RORB: variants seen among roughly 807,000 people sequenced by gnomAD.
RORB encodes the protein nuclear receptor ROR-beta.
A neutral mutation model predicts 59.1 loss-of-function variants in RORB; 6 were observed. The ratio of observed to expected loss-of-function variants is 0.10; its 90% CI spans 0.06 to 0.20. The LOEUF is 0.20. Ranked by LOEUF, RORB falls within the 10% of genes least tolerant of loss-of-function variation. The pLI, the probability that RORB is intolerant of heterozygous loss-of-function variation, is 1.00. For missense variants in RORB, 320 were observed against 560.5 expected, an observed-to-expected ratio of 0.57 and a Z score of 4.33; for synonymous variants, 215 against 204.5, an observed-to-expected ratio of 1.05 and a Z score of -0.44.
At chr9:74,589,869 A>C (rs1465449503) in intron 1 of RORB, among the ~76,000 whole-genome samples, 2 of 152,186 alleles carry the variant, frequency 1.3e-5, no homozygotes, top group Admixed American at 6.5e-5. Context: ...ACTCTTTGCC[A>C]CAATTTGCAC....
At chr9:74,498,005 G>C in intron 1 of RORB, 22 bp downstream of exon 1, 1 of 1,607,314 alleles carries the variant, frequency 6.2e-7, no homozygotes, top group Non-Finnish European at 8.5e-7. Flanking sequence ...TGCGGGCACC[G>C]AGGCTCCCCG....
chr9:74,638,167 ATT>A (rs1411834030), intron 3 of RORB, among the ~76,000 whole-genome samples: 1 of 152,202 alleles, frequency 6.6e-6, no homozygotes, highest in African/African-American at 2.4e-5. Flanking sequence ...AGATAAAATG[ATT>A]TTGGAAATTT....
intron 1 of RORB, among the ~76,000 whole-genome samples, chr9:74,599,401 G>A (rs1823021123): frequency 6.6e-6 from 1 of 151,904 alleles, no homozygotes; most frequent in South Asian, 2.1e-4. Flanking sequence ...CAATCAGAAT[G>A]AGTAATATAG....
intron 1 of RORB, among the ~76,000 whole-genome samples, chr9:74,557,290 A>C (rs910842718): frequency 6.6e-5 from 10 of 152,162 alleles, no homozygotes; most frequent in African/African-American, 2.4e-4. Context: ...TATACTTGAG[A>C]CAGAGCTACT....
At chr9:74,640,219 T>C (rs745317075) in intron 3 of RORB, among the ~76,000 whole-genome samples, 1 of 152,134 alleles carries the variant, frequency 6.6e-6, no homozygotes, top group Non-Finnish European at 1.5e-5. Flanking sequence ...ATGTAGGGGT[T>C]GGTTGCTTGG....
At chr9:74,557,348 T>G (rs1049020696) in intron 1 of RORB, among the ~76,000 whole-genome samples, 1 of 152,184 alleles carries the variant, frequency 6.6e-6, no homozygotes, top group Non-Finnish European at 1.5e-5. Flanking sequence ...CCCCAGTTGC[T>G]GCTGGCAAAC....
At chr9:74,522,100 A>G (rs1186166791) in intron 1 of RORB, among the ~76,000 whole-genome samples, 1 of 151,814 alleles carries the variant, frequency 6.6e-6, no homozygotes, top group Non-Finnish European at 1.5e-5. Context: ...CAGAAGATGG[A>G]TGGATTGATA....
At chr9:74,544,766 C>T (rs1826462937) in intron 1 of RORB, among the ~76,000 whole-genome samples, 1 of 152,186 alleles carries the variant, frequency 6.6e-6, no homozygotes, top group Non-Finnish European at 1.5e-5. Flanking sequence ...GAAAAACCTT[C>T]CTCTATCCAG....
intron 2 of RORB, among the ~76,000 whole-genome samples, chr9:74,633,016 G>A (rs1386507677): frequency 6.6e-6 from 1 of 152,068 alleles, no homozygotes; most frequent in African/African-American, 2.4e-5. Context: ...AAGCCAGTTG[G>A]GACTCTCTCT....
chr9:74,576,285 T>C (rs1259081545), intron 1 of RORB, among the ~76,000 whole-genome samples: 1 of 152,112 alleles, frequency 6.6e-6, no homozygotes, highest in African/African-American at 2.4e-5. Flanking sequence ...TTTGGGACCA[T>C]GTACACCCAT....
rs2118595469 is a variant in RORB, at chr9:74,690,509, G to C, written c.*4891G>C. On this transcript the variant is annotated 3_prime_UTR_variant, in exon 10 of 10. Coordinates refer to ENST00000376896, the MANE Select transcript of RORB (RefSeq NM_006914.4). ...ATTATACATGATGGCAGTTGATTCAGAGCTTAGTGCAGACCAAACAAATAC... is the reference window on the plus strand; with the variant it reads ...ATTATACATGATGGCAGTTGATTCACAGCTTAGTGCAGACCAAACAAATAC... The C allele has an allele frequency of 6.6e-6, 1 of 152,312 alleles. No individual in the cohort carries two copies. 9.4% of individuals were successfully genotyped at this position (152,312 alleles called of 1,614,324 possible). A position where few individuals can be genotyped will look rare whatever the true frequency, so the allele number is the denominator to read the frequency against.
chr9:74,503,072 G>A (rs541341057), intron 1 of RORB, among the ~76,000 whole-genome samples: 148 of 152,070 alleles, frequency 9.7e-4, no homozygotes, highest in Middle Eastern at 3.4e-3. Context: ...AATAATTAAT[G>A]TATGTTTTTT....
At chr9:74,509,013 C>T (rs1011119664) in intron 1 of RORB, among the ~76,000 whole-genome samples, 4 of 151,958 alleles carry the variant, frequency 2.6e-5, no homozygotes, top group Admixed American at 6.6e-5. Context: ...ATGCAACCTC[C>T]GCTACCGTTT....
intron 1 of RORB, among the ~76,000 whole-genome samples, chr9:74,601,719 A>G (rs1823059742): frequency 6.6e-6 from 1 of 152,164 alleles, no homozygotes; most frequent in Non-Finnish European, 1.5e-5. Flanking sequence ...TCTGATTAAT[A>G]GAGACCTTCT....
intron 3 of RORB, among the ~76,000 whole-genome samples, chr9:74,640,716 C>T (rs933036497): frequency 6.6e-6 from 1 of 152,154 alleles, no homozygotes; most frequent in East Asian, 1.9e-4. Context: ...GTGAATGCGA[C>T]ACTTGCATTT....
At chr9:74,595,860 C>G (rs1261638173) in intron 1 of RORB, among the ~76,000 whole-genome samples, 2 of 152,130 alleles carry the variant, frequency 1.3e-5, no homozygotes, top group East Asian at 3.9e-4. Context: ...ACCTAAATTA[C>G]CAAGCACGTT....
chr9:74,672,558 T>A (rs1824365868), intron 9 of RORB, among the ~76,000 whole-genome samples: 1 of 152,194 alleles, frequency 6.6e-6, no homozygotes, highest in Non-Finnish European at 1.5e-5. Context: ...CCATGCAACA[T>A]GTCATCAATT....
At position 74,563,262 on chromosome 9, in the gene RORB, T is replaced by C. The variant is rs1050748620; in HGVS notation, c.7+65279T>C. 3.3e-5 allele frequency among the ~76,000 whole-genome samples: 5 copies of C among 149,752 alleles called. No individual in the cohort carries two copies. The East Asian group carries it at 8.0e-4, about 24-fold the overall frequency. On this transcript the variant is annotated intron_variant, in intron 1 of 9. Transcript: ENST00000376896. ...GTGCAGTAGCACAATCTCGGCTCACTGCAACTTCCAACTCCCAGATTCAAG... is the reference window on the plus strand; with the variant it reads ...GTGCAGTAGCACAATCTCGGCTCACCGCAACTTCCAACTCCCAGATTCAAG...
chr9:74,639,808 T>G, intron 3 of RORB, among the ~76,000 whole-genome samples: 1 of 152,344 alleles, frequency 6.6e-6, no homozygotes, highest in Non-Finnish European at 1.5e-5. Flanking sequence ...AAGTTCTTTC[T>G]GAATCAATAT....
Sources: allele counts gnomAD v4.1 joint callset (sites outside exome capture counted in the v4.1 genomes callset), GRCh38; gene constraint gnomAD v4.1.1; transcripts MANE v1.5; gene names NCBI Gene and HGNC (gene_info 2026-07-23, HGNC 2026-07-21).